MBD5: variants seen among roughly 807,000 people sequenced by gnomAD.
MBD5 encodes methyl-CpG-binding domain protein 5.
Under a neutral mutation model 117.3 loss-of-function variants are expected in MBD5, and 13 were observed. The ratio of observed to expected loss-of-function variants is 0.11; its 90% CI spans 0.07 to 0.18. The LOEUF (loss-of-function observed/expected upper bound fraction) is 0.18. MBD5 is among the 10% of genes least tolerant of loss of function. MBD5 has a pLI of 1.00. For synonymous variants in MBD5, 727 were observed against 766.4 expected, an observed-to-expected ratio of 0.95 and a Z score of 0.85; for missense variants, 1,879 against 2,093.8, an observed-to-expected ratio of 0.90 and a Z score of 2.00.
chr2:148,464,820 T>C (rs1303017717), intron 7 of MBD5, among the ~76,000 whole-genome samples: 1 of 93,770 alleles, frequency 1.1e-5, no homozygotes, highest in African/African-American at 3.2e-5. Flanking sequence ...AAAAAAAAAC[T>C]AGCCAGGCAT....
intron 3 of MBD5, among the ~76,000 whole-genome samples, chr2:148,262,813 G>A (rs889862353): frequency 1.3e-5 from 2 of 152,216 alleles, no homozygotes; most frequent in East Asian, 3.9e-4. Context: ...TTAAGTAACA[G>A]AATGCCATTG....
intron 4 of MBD5, among the ~76,000 whole-genome samples, chr2:148,404,959 C>T (rs1239441619): frequency 6.6e-6 from 1 of 151,890 alleles, no homozygotes; most frequent in African/African-American, 2.4e-5. Context: ...CTTTTCCATA[C>T]TATTCTTGTT....
At chr2:148,430,146 G>A (rs544629207) in intron 4 of MBD5, among the ~76,000 whole-genome samples, 23 of 152,110 alleles carry the variant, frequency 1.5e-4, no homozygotes, top group African/African-American at 4.8e-4. Flanking sequence ...TTTCCCTTGC[G>A]GCCAACTATT....
intron 3 of MBD5, among the ~76,000 whole-genome samples, chr2:148,326,933 G>A (rs1337062980): frequency 4.6e-5 from 7 of 150,786 alleles, no homozygotes; most frequent in Non-Finnish European, 7.4e-5. Flanking sequence ...TCCCAGTCTC[G>A]ATGGTCTTTA....
chr2:148,448,860 G>C (rs1333257495), intron 4 of MBD5, among the ~76,000 whole-genome samples: 2 of 152,014 alleles, frequency 1.3e-5, no homozygotes, highest in Admixed American at 6.6e-5. Flanking sequence ...GCACAGATAA[G>C]ATGTGAAAAT....
intron 12 of MBD5, among the ~76,000 whole-genome samples, chr2:148,507,737 G>A (rs1324884222): frequency 2.7e-5 from 4 of 150,322 alleles, no homozygotes; most frequent in Non-Finnish European, 4.4e-5. Flanking sequence ...TCCAGCCTGG[G>A]CGACAGAGCA....
chr2:148,124,423 A>G (rs577820625), intron 1 of MBD5, among the ~76,000 whole-genome samples: 3 of 152,202 alleles, frequency 2.0e-5, no homozygotes, highest in South Asian at 2.1e-4. Context: ...CAAAAAATCT[A>G]AAAAGTTAGC....
At chr2:148,505,282 G>A (rs1265339945) in intron 12 of MBD5, among the ~76,000 whole-genome samples, 1 of 152,192 alleles carries the variant, frequency 6.6e-6, no homozygotes, top group East Asian at 1.9e-4. Flanking sequence ...TGGGGTGCCT[G>A]TAGGATAGGC....
intron 4 of MBD5, among the ~76,000 whole-genome samples, chr2:148,362,111 G>A (rs1215742943): frequency 1.3e-5 from 2 of 152,126 alleles, no homozygotes; most frequent in Non-Finnish European, 2.9e-5. Flanking sequence ...ATACCCCAGT[G>A]GCCCCTGGAA....
chr2:148,270,429 C>A (rs1558999212), intron 3 of MBD5, among the ~76,000 whole-genome samples: 1 of 149,680 alleles, frequency 6.7e-6, no homozygotes, highest in Admixed American at 6.7e-5. Flanking sequence ...AACCCTGTCA[C>A]CCAGACTGGA....
intron 4 of MBD5, among the ~76,000 whole-genome samples, chr2:148,403,499 T>C (rs1704987883): frequency 6.6e-6 from 1 of 152,178 alleles, no homozygotes; most frequent in African/African-American, 2.4e-5. Flanking sequence ...GTATTAATGT[T>C]CTTGTTGCTA....
At chr2:148,331,455 T>C (rs1376199736) in intron 3 of MBD5, among the ~76,000 whole-genome samples, 3 of 152,092 alleles carry the variant, frequency 2.0e-5, no homozygotes, top group East Asian at 3.8e-4. Flanking sequence ...TTTTGAACAT[T>C]ATAAATACAA....
At chr2:148,365,858 C>T (rs931085895) in intron 4 of MBD5, among the ~76,000 whole-genome samples, 3 of 151,826 alleles carry the variant, frequency 2.0e-5, no homozygotes, top group Non-Finnish European at 4.4e-5. Context: ...AAAAAAAACC[C>T]CAGACCAGAT....
intron 2 of MBD5, among the ~76,000 whole-genome samples, chr2:148,189,360 G>A (rs1207282297): frequency 2.6e-5 from 4 of 151,298 alleles, no homozygotes; most frequent in Non-Finnish European, 5.9e-5. Context: ...GTCCCTGTCT[G>A]ACAGCTTTGA....
intron 13 of MBD5, 58 bp from the exon 14 acceptor site, chr2:148,512,812 G>A: frequency 6.8e-7 from 1 of 1,476,272 alleles, no homozygotes. Context: ...GAAATTTTAT[G>A]GTGTTTGTGA....
At chr2:148,441,259 C>T (rs1009485869) in intron 4 of MBD5, among the ~76,000 whole-genome samples, 5 of 152,180 alleles carry the variant, frequency 3.3e-5, no homozygotes, top group African/African-American at 7.2e-5. Context: ...TCCCCCTACC[C>T]CCGACACCAC....
intron 3 of MBD5, among the ~76,000 whole-genome samples, chr2:148,331,851 C>T (rs1702665460): frequency 6.6e-6 from 1 of 151,954 alleles, no homozygotes; most frequent in Non-Finnish European, 1.5e-5. Context: ...CAAGTTACTT[C>T]TTAGTAAAAA....
Position 148,162,726 on chromosome 2 carries a change from TAACA to T in MBD5, c.-924-15967_-924-15964del, listed in dbSNP as rs1263275145. On this transcript the variant is annotated intron_variant, in intron 1 of 13. Coordinates refer to ENST00000642680, the MANE Select transcript of MBD5 (RefSeq NM_001378120.1). Reference sequence around the variant, plus strand: ...ATAAAGTCTTAGGAAAAATACATTCTAACAAACAAAAAAGAATATAATTCTAACA... The same window carrying T: ...ATAAAGTCTTAGGAAAAATACATTCTAACAAAAAAGAATATAATTCTAACA... 2.0e-5 allele frequency among the ~76,000 whole-genome samples: 3 copies of T among 151,972 alleles called. No individual in the cohort carries two copies. The East Asian group carries it at 5.8e-4, about 29-fold the overall frequency.
chr2:148,484,402 A>C (rs1011240653), intron 9 of MBD5, among the ~76,000 whole-genome samples: 7 of 152,038 alleles, frequency 4.6e-5, no homozygotes, highest in African/African-American at 1.7e-4. Context: ...CCTAAACCTA[A>C]CCTACCCATC....
Sources: gnomAD v4.1 joint callset for allele counts (sites outside exome capture counted in the v4.1 genomes callset) on GRCh38, gnomAD v4.1.1 for gene constraint, MANE v1.5 for transcripts, NCBI Gene and HGNC (gene_info 2026-07-23, HGNC 2026-07-21) for gene names.